Variants in HMGN3 observed in about 807,000 individuals in gnomAD.
HMGN3 encodes the protein high mobility group nucleosomal binding domain 3, also known as high mobility group nucleosome-binding domain-containing protein 3.
Under a neutral mutation model 18.8 loss-of-function variants are expected in HMGN3, and 6 were observed. The observed-to-expected ratio is 0.32, with a 90% CI of 0.18 to 0.63. HMGN3 has a LOEUF of 0.63. Among genes scored for constraint, HMGN3 ranks in the 30% least tolerant of loss-of-function variants. The probability of loss-of-function intolerance (pLI) is 0.79; values close to 1 mark genes in which losing one functional copy is unlikely to be tolerated. For synonymous variants in HMGN3, 40 were observed against 36.5 expected, an observed-to-expected ratio of 1.10 and a Z score of -0.35; for missense variants, 107 against 114.2, an observed-to-expected ratio of 0.94 and a Z score of 0.29.
intron 3 of HMGN3, among the ~76,000 whole-genome samples, chr6:79,207,575 T>C (rs1776482076): frequency 6.6e-6 from 1 of 152,178 alleles, no homozygotes; most frequent in African/African-American, 2.4e-5. Flanking sequence ...GAGTATGTCT[T>C]TATCAGCAGT....
At chr6:79,214,886 G>T (rs1056285365) in intron 2 of HMGN3, 86 bp downstream of exon 2, 5 of 782,144 alleles carry the variant, frequency 6.4e-6, no homozygotes, top group East Asian at 2.7e-5. Context: ...ACAATTGTCC[G>T]CATTTCATTC....
At chr6:79,202,986 C>A (rs1776222146) in intron 4 of HMGN3, among the ~76,000 whole-genome samples, 1 of 152,182 alleles carries the variant, frequency 6.6e-6, no homozygotes, top group Non-Finnish European at 1.5e-5. Flanking sequence ...TACCAAAGGG[C>A]AGAGTGCAGA....
At position 79,229,810 on chromosome 6, in the gene HMGN3, G is replaced by A. The variant is rs867205237; in HGVS notation, c.15+4736C>T. 2.6e-5 allele frequency among the ~76,000 whole-genome samples: 4 copies of A among 152,176 alleles called. No homozygotes were observed. The East Asian group carries it at 5.8e-4, about 22-fold the overall frequency. On this transcript the variant is annotated intron_variant, in intron 1 of 5. Coordinates refer to ENST00000344726, the Ensembl canonical transcript of HMGN3. ...GGAGAATGGTGTGAACCCGGGAGGC[G>A]GAGCTTGCAGTGAGCTGAGATCGCG...
intron 1 of HMGN3, among the ~76,000 whole-genome samples, chr6:79,229,450 A>C (rs1366667117): frequency 1.3e-5 from 2 of 152,246 alleles, no homozygotes; most frequent in East Asian, 1.9e-4. Context: ...TATTGTCAGT[A>C]GTTATTACAG....
intron 4 of HMGN3, 61 bp downstream of exon 4, chr6:79,203,519 G>T (rs1282891680): frequency 3.1e-6 from 4 of 1,285,456 alleles, no homozygotes; most frequent in South Asian, 1.2e-5. Context: ...TGATTCTGAG[G>T]TAGGGAATTA....
At chr6:79,225,279 TAG>T (rs1777512882) in intron 1 of HMGN3, among the ~76,000 whole-genome samples, 1 of 152,196 alleles carries the variant, frequency 6.6e-6, no homozygotes, top group Non-Finnish European at 1.5e-5. Flanking sequence ...CCTCTCAGGG[TAG>T]ATTTTGTATT....
At chr6:79,216,901 G>A (rs1325350871) in intron 1 of HMGN3, among the ~76,000 whole-genome samples, 2 of 152,094 alleles carry the variant, frequency 1.3e-5, no homozygotes, top group Non-Finnish European at 2.9e-5. Context: ...TTTCAGTCTA[G>A]GGTACTCTCT....
In HMGN3 at chr6:79,232,774, A is replaced by G. The variant is rs117095909; in HGVS notation, c.15+1772T>C. ...ACTGTTTATGTAAACAATGGTTATA[A>G]TTCCCAGGAAAAAAAGATGGCCTCC... is the stretch of plus-strand genomic sequence containing the variant. On this transcript the variant is annotated intron_variant, in intron 1 of 5. Coordinates refer to ENST00000344726, the Ensembl canonical transcript of HMGN3. Among the ~76,000 whole-genome samples, 337 of 152,176 alleles carry G rather than the reference A, an allele frequency of 2.2e-3. 1 individual carries two copies. Among genetic ancestry groups the G allele is most frequent in the Admixed American group, 4.3e-3 (66 of 15,286 alleles).
At position 79,208,523 on chromosome 6, in the gene HMGN3, C is replaced by A. The variant is rs759659747; in HGVS notation, c.96+24G>T. On this transcript the variant is annotated intron_variant, in intron 3 of 5. Transcript: ENST00000344726. ...GAACATGTACTCATAAGAACTAACA[C>A]TGAAGTGGTTCTAAGGTACTTACCG... 4 of 1,593,110 alleles carry A rather than the reference C, an allele frequency of 2.5e-6. No homozygotes were observed. In the Admixed American group the frequency reaches 6.7e-5, roughly 27 times the overall value.
At chr6:79,205,742 C>T (rs955512316) in intron 3 of HMGN3, among the ~76,000 whole-genome samples, 15 of 152,290 alleles carry the variant, frequency 9.8e-5, no homozygotes, top group Non-Finnish European at 1.8e-4. Context: ...CAGTTTGGAG[C>T]GCTCAGAAGA....
intron 1 of HMGN3, among the ~76,000 whole-genome samples, chr6:79,229,099 A>G (rs1231858172): frequency 6.6e-6 from 1 of 152,248 alleles, no homozygotes; most frequent in African/African-American, 2.4e-5. Flanking sequence ...TTCAAAATGG[A>G]TAACATACCT....
chr6:79,228,403 A>T (rs527582854), intron 1 of HMGN3, among the ~76,000 whole-genome samples: 1 of 152,338 alleles, frequency 6.6e-6, no homozygotes, highest in African/African-American at 2.4e-5. Context: ...TTACTCAAAC[A>T]TAGATTCCAT....
At chr6:79,212,656 T>C (rs1582414251) in intron 2 of HMGN3, among the ~76,000 whole-genome samples, 1 of 152,236 alleles carries the variant, frequency 6.6e-6, no homozygotes, top group Non-Finnish European at 1.5e-5. Context: ...ATTATTTTGG[T>C]TATTTACTGT....
At chr6:79,201,644 G>A (rs775973553) in exon 6 of HMGN3, 14 of 1,292,852 alleles carry the variant, frequency 1.1e-5, no homozygotes, top group Non-Finnish European at 1.6e-5. Flanking sequence ...TTTAAAAGTT[G>A]TCCCAAGAGA....
chr6:79,207,811 T>C (rs1776493080), intron 3 of HMGN3, among the ~76,000 whole-genome samples: 1 of 152,164 alleles, frequency 6.6e-6, no homozygotes, highest in Admixed American at 6.5e-5. Context: ...GGGGATATAC[T>C]AATATAGTGT....
intron 1 of HMGN3, among the ~76,000 whole-genome samples, chr6:79,226,739 C>T (rs892656472): frequency 4.6e-5 from 7 of 152,070 alleles, no homozygotes; most frequent in African/African-American, 1.4e-4. Context: ...GAGCCAATTT[C>T]GAAGTTTAAA....
intron 3 of HMGN3, among the ~76,000 whole-genome samples, chr6:79,204,505 C>A (rs1776302627): frequency 6.6e-6 from 1 of 152,178 alleles, no homozygotes; most frequent in African/African-American, 2.4e-5. Context: ...AACCATTTTA[C>A]ACCAGGAGTT....
intron 1 of HMGN3, among the ~76,000 whole-genome samples, chr6:79,218,637 G>T (rs537738321): frequency 6.6e-6 from 1 of 152,102 alleles, no homozygotes; most frequent in Non-Finnish European, 1.5e-5. Flanking sequence ...AATGATAACT[G>T]CAAAATCATG....
intron 1 of HMGN3, chr6:79,233,595 A>C (rs1377029412): frequency 1.3e-5 from 2 of 152,228 alleles, no homozygotes; most frequent in Non-Finnish European, 2.9e-5. Flanking sequence ...CTGATTTCTC[A>C]GGGAGGAGGA....
Sources: allele counts gnomAD v4.1 joint callset (sites outside exome capture counted in the v4.1 genomes callset), GRCh38; gene constraint gnomAD v4.1.1; transcripts MANE v1.5; gene names NCBI Gene and HGNC (gene_info 2026-07-23, HGNC 2026-07-21).